PSMD12: variants seen among roughly 807,000 people sequenced by gnomAD.
PSMD12 encodes the protein 26S proteasome non-ATPase regulatory subunit 12.
PSMD12 carries 8 observed loss-of-function variants against 62.9 expected under a neutral mutation model. The observed-to-expected ratio is 0.13, with a 90% CI of 0.07 to 0.23. The LOEUF (loss-of-function observed/expected upper bound fraction) is 0.23, where lower values mean the gene tolerates loss of function less well. Ranked by LOEUF, PSMD12 falls within the 10% of genes least tolerant of loss-of-function variation. PSMD12 has a pLI of 1.00. For missense variants in PSMD12, 424 were observed against 550.2 expected (o/e 0.77, Z 2.29); for synonymous variants, 173 against 187.4 (o/e 0.92, Z 0.63).
intron 4 of PSMD12, 34 bp downstream of exon 4, chr17:67,350,195 A>T (rs762351100): frequency 2.1e-6 from 3 of 1,410,840 alleles, no homozygotes; most frequent in East Asian, 2.3e-5. Context: ...AAAACAGTTC[A>T]TATCATTTTG....
intron 7 of PSMD12, 63 bp downstream of exon 7, chr17:67,347,053 A>G: frequency 6.6e-7 from 1 of 1,505,588 alleles, no homozygotes; most frequent in South Asian, 1.3e-5. Flanking sequence ...AGATTTGAAA[A>G]TAAAAAAAGC....
At chr17:67,355,852 G>A (rs1486562002) in intron 3 of PSMD12, among the ~76,000 whole-genome samples, 1 of 152,048 alleles carries the variant, frequency 6.6e-6, no homozygotes. Flanking sequence ...TGGAAGCCGG[G>A]TGCAGTGGCT....
In PSMD12 at chr17:67,340,780, C is replaced by T. The variant is rs2041906083; in HGVS notation, c.*63G>A. 2 of 1,330,808 alleles carry T rather than the reference C, an allele frequency of 1.5e-6. No individual in the cohort carries two copies. Among genetic ancestry groups the T allele is most frequent in the African/African-American group, 1.5e-5 (1 of 64,828 alleles). 82.4% of individuals were successfully genotyped at this position (1,330,808 alleles called of 1,614,324 possible). On this transcript the variant is annotated 3_prime_UTR_variant, in exon 11 of 11. Coordinates refer to ENST00000356126, the MANE Select transcript of PSMD12 (RefSeq NM_002816.5). ...TAGAAAAAAAACCCCAACATATACA[C>T]CATTATAACAGTCTTTTTTTAATGA...
rs762469453 is a variant in PSMD12 at position 67,340,839 on chromosome 17, A to C, written c.*4T>G. On this transcript the variant is annotated 3_prime_UTR_variant, in exon 11 of 11. Transcript: ENST00000356126. ...TTTAACTTTTTTCTAAAGCACTAAGACCCTTATTGTAGATTATGTATCATC... is the reference window on the plus strand; with the variant it reads ...TTTAACTTTTTTCTAAAGCACTAAGCCCCTTATTGTAGATTATGTATCATC... The C allele has an allele frequency of 8.4e-6, 13 of 1,556,194 alleles. No individual in the cohort carries two copies. Among genetic ancestry groups the C allele is most frequent in the African/African-American group, 1.4e-5 (1 of 71,062 alleles).
chr17:67,352,808 T>A (rs1194849820), intron 3 of PSMD12, among the ~76,000 whole-genome samples: 1 of 152,206 alleles, frequency 6.6e-6, no homozygotes, highest in Admixed American at 6.5e-5. Flanking sequence ...CCCACCCTAG[T>A]CACTCAGTAG....
intron 10 of PSMD12, 40 bp downstream of exon 10, chr17:67,342,146 A>G (rs754154861): frequency 4.4e-6 from 6 of 1,362,630 alleles, no homozygotes; most frequent in African/African-American, 1.5e-5. Context: ...AACATTCAAA[A>G]GGAATGCCTA....
chr17:67,363,709 ATTTTT>A (rs546547132), intron 1 of PSMD12, among the ~76,000 whole-genome samples: 1 of 151,746 alleles, frequency 6.6e-6, no homozygotes, highest in Non-Finnish European at 1.5e-5. Context: ...TGCAATGTTA[ATTTTT>A]TTTTATGTTT....
chr17:67,365,614 G>T (rs1332796972), intron 1 of PSMD12, among the ~76,000 whole-genome samples: 1 of 152,104 alleles, frequency 6.6e-6, no homozygotes, highest in East Asian at 1.9e-4. Flanking sequence ...CAAGCATACT[G>T]AACCTAAGAT....
intron 9 of PSMD12, 45 bp from the exon 10 acceptor site, chr17:67,342,308 G>A (rs1010615817): frequency 1.9e-5 from 25 of 1,295,916 alleles, no homozygotes; most frequent in Non-Finnish European, 2.4e-5. Context: ...ACATTTGTCA[G>A]TAAGTCTAAA....
At chr17:67,348,488 T>C (rs2041988688) in intron 5 of PSMD12, 62 bp downstream of exon 5, 4 of 1,352,212 alleles carry the variant, frequency 3.0e-6, no homozygotes, top group Middle Eastern at 1.8e-4. Context: ...CAACCTATAT[T>C]TCCATTAGAA....
chr17:67,339,771 A>G lies in PSMD12; in HGVS notation c.*1072T>C, dbSNP rs1433280357. The G allele has an allele frequency of 6.6e-6, 1 of 152,280 alleles. No individual in the cohort carries two copies. Among genetic ancestry groups the G allele is most frequent in the East Asian group, 1.9e-4 (1 of 5,186 alleles). 9.4% of individuals were successfully genotyped at this position (152,280 alleles called of 1,614,324 possible). ...ATTTTCTCTGAAATAAATCAAATTA[A>G]ACTTGCAAAATTCGTTCACACCAAT... On this transcript the variant is annotated 3_prime_UTR_variant, in exon 11 of 11. Coordinates refer to ENST00000356126, the MANE Select transcript of PSMD12 (RefSeq NM_002816.5).
chr17:67,340,446 T>C lies in PSMD12; in HGVS notation c.*397A>G, dbSNP rs1287219601. The C allele has an allele frequency of 1.3e-5, 2 of 156,142 alleles. No individual in the cohort carries two copies. Among genetic ancestry groups the C allele is most frequent in the Non-Finnish European group, 2.8e-5 (2 of 70,952 alleles). The allele number at this position is 156,142 out of a possible 1,614,324, so 9.7% of individuals were successfully genotyped here. ...GAGATTTGTTTTATTTAAAAAACAC[T>C]TGCCAAATCACTACCCCACAAAATG... On this transcript the variant is annotated 3_prime_UTR_variant, in exon 11 of 11. Coordinates refer to ENST00000356126, the MANE Select transcript of PSMD12 (RefSeq NM_002816.5).
At chr17:67,350,426 T>TG (rs2042006792) in intron 3 of PSMD12, 90 bp from the exon 4 acceptor site, 3 of 948,914 alleles carry the variant, frequency 3.2e-6, no homozygotes, top group Non-Finnish European at 4.5e-6. Context: ...TGATCGAACT[T>TG]GGTCTTCCCA....
chr17:67,347,242 C>T lies in PSMD12; in HGVS notation c.669G>A (p.Lys223=). 2 of 1,613,080 alleles carry T rather than the reference C, an allele frequency of 1.2e-6. No homozygotes were observed. Among genetic ancestry groups the T allele is most frequent in the Non-Finnish European group, 1.7e-6 (2 of 1,179,710 alleles). The part of the protein sequence containing the change: ...FFQEENTEKL[K]LKYYNLMIQL... Reference sequence around the variant, plus strand: ...GAATCATTAAATTATAGTACTTCAACTTTAATTTCTGCAAAAAAGTTGACA... The same window carrying T: ...GAATCATTAAATTATAGTACTTCAATTTTAATTTCTGCAAAAAAGTTGACA... Residue 223 remains lysine (K), a synonymous_variant, in exon 7 of 11, where the codon AAG becomes AAA. Transcript: ENST00000356126.
intron 3 of PSMD12, among the ~76,000 whole-genome samples, chr17:67,351,905 T>C (rs933395070): frequency 1.3e-5 from 2 of 151,874 alleles, no homozygotes; most frequent in Admixed American, 1.3e-4. Flanking sequence ...GAGACCATTC[T>C]GGCCAACATG....
intron 3 of PSMD12, among the ~76,000 whole-genome samples, chr17:67,354,211 T>C (rs1339443623): frequency 6.6e-6 from 1 of 152,096 alleles, no homozygotes; most frequent in Non-Finnish European, 1.5e-5. Context: ...GCTCACGAAT[T>C]AGAGGCCTGG....
intron 4 of PSMD12, among the ~76,000 whole-genome samples, chr17:67,349,490 G>A (rs1404534501): frequency 6.6e-6 from 1 of 152,082 alleles, no homozygotes; most frequent in Non-Finnish European, 1.5e-5. Context: ...TCTGCTTTGA[G>A]AACCTAAATA....
rs536263883 is a variant in PSMD12, at chr17:67,338,112, G to C, written c.*2731C>G. 67 of 152,186 alleles carry C rather than the reference G, an allele frequency of 4.4e-4. No individual in the cohort carries two copies. The highest frequency in any genetic ancestry group is 1.5e-3 in the African/African-American group (62 of 41,528). 9.4% of individuals were successfully genotyped at this position (152,186 alleles called of 1,614,324 possible). ...AGATTCAGTAACATATGGAAATTGA[G>C]GATAATCATAGAAACAGCTATTGAA... On this transcript the variant is annotated 3_prime_UTR_variant, in exon 11 of 11. Coordinates refer to ENST00000356126, the MANE Select transcript of PSMD12 (RefSeq NM_002816.5).
chr17:67,355,564 T>G (rs2042060917), intron 3 of PSMD12: 1 of 152,208 alleles, frequency 6.6e-6, no homozygotes, highest in Non-Finnish European at 1.5e-5. Context: ...ATATCTATTT[T>G]TGGTTCCATT....
Sources: allele counts gnomAD v4.1 joint callset (sites outside exome capture counted in the v4.1 genomes callset), GRCh38; gene constraint gnomAD v4.1.1; transcripts MANE v1.5; gene names NCBI Gene and HGNC (gene_info 2026-07-23, HGNC 2026-07-21).